PPP1CB: variants seen among roughly 807,000 people sequenced by gnomAD.
PPP1CB encodes the protein protein phosphatase 1 catalytic subunit beta, also known as serine/threonine-protein phosphatase PP1-beta catalytic subunit.
PPP1CB carries 2 observed loss-of-function variants against 43.7 expected under a neutral mutation model. The observed-to-expected ratio is 0.05, with a 90% CI of 0.02 to 0.14. The LOEUF (loss-of-function observed/expected upper bound fraction) is 0.14, where lower values mean the gene tolerates loss of function less well. Ranked by LOEUF, PPP1CB falls within the 10% of genes least tolerant of loss-of-function variation. The pLI, the probability that PPP1CB is intolerant of heterozygous loss-of-function variation, is 1.00. For synonymous variants in PPP1CB, 136 were observed against 135.6 expected, an observed-to-expected ratio of 1.00 and a Z score of -0.02; for missense variants, 84 against 398.0, an observed-to-expected ratio of 0.21 and a Z score of 6.71.
At chr2:28,758,240 G>A (rs1666536416) in intron 1 of PPP1CB, among the ~76,000 whole-genome samples, 1 of 151,776 alleles carries the variant, frequency 6.6e-6, no homozygotes, top group Non-Finnish European at 1.5e-5. Flanking sequence ...TTACTTTGTT[G>A]CCCAGGCCAG....
chr2:28,789,335 C>T (rs75000701), intron 6 of PPP1CB, among the ~76,000 whole-genome samples: 6,824 of 151,696 alleles, frequency 0.045, 213 homozygotes, highest in Middle Eastern at 0.071. Context: ...AATGAGATTC[C>T]ATCTCTACAA....
At chr2:28,756,288 G>C (rs1666487269) in intron 1 of PPP1CB, among the ~76,000 whole-genome samples, 1 of 152,202 alleles carries the variant, frequency 6.6e-6, no homozygotes, top group South Asian at 2.1e-4. Flanking sequence ...AGCAAAATGT[G>C]ATTGTGTTAC....
Position 28,793,978 on chromosome 2 carries a change from C to G in PPP1CB, c.860C>G (p.Thr287Ser). The G allele has an allele frequency of 6.2e-7, 1 of 1,613,336 alleles. No homozygotes were observed. Among genetic ancestry groups the G allele is most frequent in the Non-Finnish European group, 8.5e-7 (1 of 1,179,412 alleles). ...GGTGGAATGATGAGTGTGGATGAAA[C>G]TTTGATGTGTTCATTTCAGGTATGA... The part of the protein sequence containing the change: ...NAGGMMSVDE[T>S]LMCSFQILKP... The change falls in exon 7 of 8, where the codon ACT (threonine) becomes AGT (serine). Residue 287 changes from threonine (T) to serine (S), a missense_variant. Physicochemically the swap from Thr to Ser is moderately conservative, Grantham distance 58 (BLOSUM62 1). Transcript: ENST00000395366.
upstream of PPP1CB, chr2:28,751,726 G>A: frequency 4.1e-6 from 1 of 244,994 alleles, no homozygotes; most frequent in South Asian, 3.9e-5. Context: ...GGCGGGGAGC[G>A]CACCGCGCGC....
intron 6 of PPP1CB, among the ~76,000 whole-genome samples, chr2:28,793,396 TTGTC>T (rs10602604): frequency 0.41 from 62,044 of 151,666 alleles, 13,547 homozygotes; most frequent in Non-Finnish European, 0.5. Context: ...AAGTCGTTCA[TTGTC>T]TGGTTGTTGC....
chr2:28,771,340 T>C (rs1666909428), intron 1 of PPP1CB, among the ~76,000 whole-genome samples: 1 of 152,194 alleles, frequency 6.6e-6, no homozygotes. Flanking sequence ...CATGAGCCAC[T>C]GTACTCGGCC....
At chr2:28,763,841 G>A (rs530091352) in intron 1 of PPP1CB, among the ~76,000 whole-genome samples, 1 of 152,032 alleles carries the variant, frequency 6.6e-6, no homozygotes, top group Non-Finnish European at 1.5e-5. Flanking sequence ...AGTAATCTGG[G>A]ATTACAGGTG....
rs538019548 is a variant in PPP1CB, at chr2:28,766,863, C to T, written c.53-9988C>T. ...TTGGGAGGCCAAGGCAGGCAGATCA[C>T]GAGGTCAGGAGATTGAGATCATCCT... On this transcript the variant is annotated intron_variant, in intron 1 of 7. Transcript: ENST00000395366. Among the ~76,000 whole-genome samples the T allele has an allele frequency of 2.4e-4, 37 of 152,260 alleles. No individual in the cohort carries two copies. The South Asian group carries it at 4.3e-3, about 18-fold the overall frequency.
chr2:28,778,711 G>T, intron 2 of PPP1CB, 98 bp from the exon 3 acceptor site: 1 of 740,442 alleles, frequency 1.4e-6, no homozygotes. Context: ...CTCAAGGGTA[G>T]GGGAGGATTA....
intron 3 of PPP1CB, among the ~76,000 whole-genome samples, chr2:28,780,489 T>G (rs950481813): frequency 1.9e-4 from 29 of 152,348 alleles, no homozygotes; most frequent in African/African-American, 6.7e-4. Context: ...TAAATCAGAC[T>G]AGCAGAGAGA....
intron 1 of PPP1CB, among the ~76,000 whole-genome samples, chr2:28,760,783 A>G (rs1369448744): frequency 6.6e-6 from 1 of 152,248 alleles, no homozygotes; most frequent in African/African-American, 2.4e-5. Context: ...AACTTTAAAT[A>G]GTAAATTAAG....
In PPP1CB at chr2:28,751,881, G is replaced by C; in HGVS notation, c.-244G>C. The C allele has an allele frequency of 1.7e-6, 1 of 578,262 alleles. No individual in the cohort carries two copies. The highest frequency in any genetic ancestry group is 1.8e-5 in the South Asian group (1 of 55,172). The allele number at this position is 578,262 out of a possible 1,614,324, so 35.8% of individuals were successfully genotyped here. A position where few individuals can be genotyped will look rare whatever the true frequency, so the allele number is the denominator to read the frequency against. On this transcript the variant is annotated 5_prime_UTR_variant, in exon 1 of 8. Coordinates refer to ENST00000395366, the MANE Select transcript of PPP1CB (RefSeq NM_002709.3). ...GGAGGTGGCGGCCTGGGTCTGACGC[G>C]GCCCTGTTCGAGGGGGCCTCTCTTG...
chr2:28,752,386 G>C (rs900532981), intron 1 of PPP1CB, among the ~76,000 whole-genome samples: 1 of 152,198 alleles, frequency 6.6e-6, no homozygotes, highest in African/African-American at 2.4e-5. Flanking sequence ...GGAGATCGGG[G>C]GAGAGGGGGC....
chr2:28,776,841 CG>C lies in PPP1CB; in HGVS notation c.53-9del. 1 of 1,585,680 alleles carries C rather than the reference CG, an allele frequency of 6.3e-7. No individual in the cohort carries two copies. The highest frequency in any genetic ancestry group is 8.6e-7 in the Non-Finnish European group (1 of 1,160,800). ...TTAGAAAACTGACTGTTTTATTTAT[CG>C]TTTGTCAGTACGAGGATGTCGTCCA... On this transcript the variant is annotated splice_polypyrimidine_tract_variant and intron_variant, in intron 1 of 7. Coordinates refer to ENST00000395366, the MANE Select transcript of PPP1CB (RefSeq NM_002709.3).
intron 1 of PPP1CB, among the ~76,000 whole-genome samples, chr2:28,772,064 C>T (rs559555094): frequency 5.3e-5 from 8 of 151,652 alleles, no homozygotes; most frequent in Non-Finnish European, 8.8e-5. Context: ...CGCCTGTAAT[C>T]CCAGCACTTT....
At chr2:28,757,731 G>C (rs1160414402) in intron 1 of PPP1CB, among the ~76,000 whole-genome samples, 3 of 152,168 alleles carry the variant, frequency 2.0e-5, no homozygotes, top group Admixed American at 6.5e-5. Flanking sequence ...TCAGAGATTA[G>C]GTGTTTGTTT....
chr2:28,779,298 C>G (rs1667099928), intron 3 of PPP1CB, among the ~76,000 whole-genome samples: 1 of 152,122 alleles, frequency 6.6e-6, no homozygotes, highest in Admixed American at 6.6e-5. Context: ...GTAAACTATC[C>G]AGGTGAAACA....
intron 7 of PPP1CB, 27 bp from the exon 8 acceptor site, chr2:28,799,172 C>A: frequency 2.1e-6 from 3 of 1,396,044 alleles, no homozygotes; most frequent in African/African-American, 1.5e-5. Context: ...GAAAAAATAA[C>A]ATTATTTGTT....
chr2:28,763,542 T>C (rs1225670592), intron 1 of PPP1CB, among the ~76,000 whole-genome samples: 2 of 152,228 alleles, frequency 1.3e-5, no homozygotes, highest in Non-Finnish European at 2.9e-5. Flanking sequence ...ATACTTGCTA[T>C]TTGTTTACCA....
Sources: allele counts gnomAD v4.1 joint callset (sites outside exome capture counted in the v4.1 genomes callset), GRCh38; gene constraint gnomAD v4.1.1; transcripts MANE v1.5; gene names NCBI Gene and HGNC (gene_info 2026-07-23, HGNC 2026-07-21).